Variants in ATG10 observed in about 807,000 individuals in gnomAD.
ATG10 encodes ubiquitin-like-conjugating enzyme ATG10.
In ATG10, 30 loss-of-function variants were observed where a neutral mutation model predicts 32.1. The ratio of observed to expected loss-of-function variants is 0.94; its 90% CI spans 0.70 to 1.27. The LOEUF (loss-of-function observed/expected upper bound fraction) is 1.27. Ranked by LOEUF, ATG10 falls within the 50% of genes most tolerant of loss-of-function variation. The pLI is 0.00. For missense variants in ATG10, 233 were observed against 262.3 expected (o/e 0.89, Z 0.77); for synonymous variants, 87 against 91.5 (o/e 0.95, Z 0.28).
At chr5:82,094,760 A>C (rs1440637343) in intron 3 of ATG10, among the ~76,000 whole-genome samples, 1 of 152,116 alleles carries the variant, frequency 6.6e-6, no homozygotes, top group Admixed American at 6.6e-5. Context: ...TTTTGTAATT[A>C]TTTCCTTAGT....
At chr5:82,184,647 A>C (rs1327588033) in intron 5 of ATG10, among the ~76,000 whole-genome samples, 1 of 152,176 alleles carries the variant, frequency 6.6e-6, no homozygotes, top group Non-Finnish European at 1.5e-5. Flanking sequence ...TCCTTTCTCC[A>C]TAAAAAGGTA....
intron 2 of ATG10, among the ~76,000 whole-genome samples, chr5:82,013,753 T>A (rs1042809550): frequency 2.0e-5 from 3 of 152,178 alleles, no homozygotes; most frequent in Non-Finnish European, 2.9e-5. Flanking sequence ...CCCTGATAAC[T>A]AGTGATGTAG....
intron 4 of ATG10, among the ~76,000 whole-genome samples, chr5:82,166,338 C>A (rs1482757982): frequency 6.6e-6 from 1 of 152,158 alleles, no homozygotes; most frequent in Non-Finnish European, 1.5e-5. Context: ...CGCCCCCCAC[C>A]ACCACTGCTT....
intron 3 of ATG10, among the ~76,000 whole-genome samples, chr5:82,135,608 T>C (rs1766702660): frequency 6.6e-6 from 1 of 152,236 alleles, no homozygotes; most frequent in Admixed American, 6.5e-5. Context: ...TTCTGTTCTT[T>C]TGCATTTGCT....
chr5:82,003,082 C>T (rs1761893874), intron 2 of ATG10, among the ~76,000 whole-genome samples: 1 of 152,106 alleles, frequency 6.6e-6, no homozygotes, highest in Admixed American at 6.6e-5. Flanking sequence ...GTTAATAGTA[C>T]TCTCAATATC....
rs1391651788 is a variant in ATG10, at chr5:82,255,056, CA to C, written c.*994del. On this transcript the variant is annotated 3_prime_UTR_variant, in exon 8 of 8. Transcript: ENST00000282185. ...TAAAAAGCTATAGGAGATATTTAAACATTAAAATTTCTTTTTGACCTATAGT... is the reference window on the plus strand; with the variant it reads ...TAAAAAGCTATAGGAGATATTTAAACTTAAAATTTCTTTTTGACCTATAGT... 6.6e-6 allele frequency: 1 copy of C among 152,060 alleles called. No individual in the cohort carries two copies. Among genetic ancestry groups the C allele is most frequent in the Admixed American group, 6.6e-5 (1 of 15,258 alleles). The allele number at this position is 152,060 out of a possible 1,614,324, so 9.4% of individuals were successfully genotyped here. A position where few individuals can be genotyped will look rare whatever the true frequency, so the allele number is the denominator to read the frequency against.
intron 2 of ATG10, among the ~76,000 whole-genome samples, chr5:82,021,452 A>T (rs771063399): frequency 6.6e-6 from 1 of 152,256 alleles, no homozygotes; most frequent in East Asian, 1.9e-4. Context: ...ATCCTCCTGT[A>T]TACTTTAAAT....
chr5:82,229,194 C>G (rs1048601091), intron 5 of ATG10, among the ~76,000 whole-genome samples: 1 of 152,138 alleles, frequency 6.6e-6, no homozygotes, highest in Non-Finnish European at 1.5e-5. Context: ...ATGGAGAGGC[C>G]GGATGGCTTG....
chr5:82,009,865 A>C, intron 2 of ATG10: 1 of 1,609,438 alleles, frequency 6.2e-7, no homozygotes, highest in South Asian at 1.1e-5. Flanking sequence ...CCATAGATGG[A>C]CTTGCCACTA....
Position 82,252,674 on chromosome 5 carries a change from C to T in ATG10, c.551+15C>T. 3 of 1,444,018 alleles carry T rather than the reference C, an allele frequency of 2.1e-6. No individual in the cohort carries two copies. The South Asian group carries it at 3.6e-5, about 18-fold the overall frequency. The allele number at this position is 1,444,018 out of a possible 1,614,324, so 89.5% of individuals were successfully genotyped here. A position where few individuals can be genotyped will look rare whatever the true frequency, so the allele number is the denominator to read the frequency against. ...AAAATCAATAAGTAAGAAACACCAT[C>T]AAGATACATTGGCTTCTACTCTGAT... On this transcript the variant is annotated intron_variant, in intron 6 of 7. Transcript: ENST00000282185.
chr5:82,151,626 C>CAA (rs530575677), intron 3 of ATG10, among the ~76,000 whole-genome samples: 143 of 98,490 alleles, frequency 1.5e-3, no homozygotes, highest in African/African-American at 4.6e-3. Context: ...ATCCCTGGAA[C>CAA]AAAAAAAAAA....
chr5:82,197,720 T>TTCTTTCTTTCTATCTA (rs754765531), intron 5 of ATG10, among the ~76,000 whole-genome samples: 6 of 143,830 alleles, frequency 4.2e-5, no homozygotes, highest in African/African-American at 1.3e-4. Flanking sequence ...CTTTCTTTCT[T>TTCTTTCTTTCTATCTA]TCTATCTATC....
Position 82,098,508 on chromosome 5 carries a change from A to T in ATG10, c.216+39906A>T, listed in dbSNP as rs549493865. ...GTTTTTTTAGTAGAGATGCGGTTTC[A>T]CCATCTTGGCCAGGCTGGTCTTGAA... is the stretch of plus-strand genomic sequence containing the variant. On this transcript the variant is annotated intron_variant, in intron 3 of 7. Transcript: ENST00000282185. Among the ~76,000 whole-genome samples the T allele has an allele frequency of 5.3e-5, 8 of 151,832 alleles. No individual in the cohort carries two copies. In the East Asian group the frequency reaches 1.6e-3, roughly 29 times the overall value.
At chr5:82,247,850 AT>A (rs957702337) in intron 5 of ATG10, among the ~76,000 whole-genome samples, 12 of 151,330 alleles carry the variant, frequency 7.9e-5, no homozygotes, top group African/African-American at 2.7e-4. Context: ...TTATCTGCAG[AT>A]TTTTTTTCCC....
intron 3 of ATG10, among the ~76,000 whole-genome samples, chr5:82,079,455 G>A (rs537245829): frequency 5.9e-4 from 90 of 151,860 alleles, no homozygotes; most frequent in African/African-American, 2.0e-3. Context: ...CCATGTTGGT[G>A]TGCTGCACCC....
chr5:82,046,655 C>T lies in ATG10; in HGVS notation c.109-11840C>T, dbSNP rs546659872. Among the ~76,000 whole-genome samples the T allele has an allele frequency of 1.1e-3, 175 of 152,270 alleles. 2 individuals are homozygous for T. The highest frequency in any genetic ancestry group is 2.2e-3 in the Admixed American group (34 of 15,286). On this transcript the variant is annotated intron_variant, in intron 2 of 7. Coordinates refer to ENST00000282185, the MANE Select transcript of ATG10 (RefSeq NM_031482.5). ...CTTGACCCTACAGCAGGATCCTTTT[C>T]TGAGGAGTTAAACTGCTTAAGCTCA...
At chr5:82,186,949 T>G (rs974167384) in intron 5 of ATG10, among the ~76,000 whole-genome samples, 1 of 152,162 alleles carries the variant, frequency 6.6e-6, no homozygotes, top group East Asian at 1.9e-4. Flanking sequence ...TTTTCCTGTT[T>G]GGGGAAACAA....
chr5:82,074,941 T>C (rs73134739), intron 3 of ATG10, among the ~76,000 whole-genome samples: 28,732 of 152,014 alleles, frequency 0.19, 3,120 homozygotes, highest in Middle Eastern at 0.28. Flanking sequence ...TCAATGTAAA[T>C]TGAATATTGA....
At chr5:82,120,330 G>C (rs920726860) in intron 3 of ATG10, among the ~76,000 whole-genome samples, 1 of 152,158 alleles carries the variant, frequency 6.6e-6, no homozygotes, top group Non-Finnish European at 1.5e-5. Flanking sequence ...AGCCACTGAT[G>C]TGTTTGGCCA....
Sources: gnomAD v4.1 joint callset for allele counts (sites outside exome capture counted in the v4.1 genomes callset) on GRCh38, gnomAD v4.1.1 for gene constraint, MANE v1.5 for transcripts, NCBI Gene and HGNC (gene_info 2026-07-23, HGNC 2026-07-21) for gene names.